Variants in KIAA1217 observed in about 807,000 individuals in gnomAD.
KIAA1217 encodes sickle tail protein homolog.
In KIAA1217, 88 loss-of-function variants were observed where a neutral mutation model predicts 163.9. That is an observed-to-expected ratio of 0.54 (90% CI 0.45 to 0.64). The LOEUF is 0.64. Ranked by LOEUF, KIAA1217 falls within the 30% of genes least tolerant of loss-of-function variation. The probability of loss-of-function intolerance (pLI) is 0.00; values close to 1 mark genes in which losing one functional copy is unlikely to be tolerated. For missense variants in KIAA1217, 2,372 were observed against 2,475.0 expected (o/e 0.96, Z 0.88); for synonymous variants, 903 against 923.1 (o/e 0.98, Z 0.39).
chr10:24,077,354 A>G (rs763469398), intron 2 of KIAA1217, among the ~76,000 whole-genome samples: 3 of 151,972 alleles, frequency 2.0e-5, no homozygotes, highest in South Asian at 2.1e-4. Context: ...TCCACCCTCA[A>G]ACAGGCCCCA....
intron 1 of KIAA1217, among the ~76,000 whole-genome samples, chr10:23,753,022 T>C (rs1056906089): frequency 6.6e-6 from 1 of 152,198 alleles, no homozygotes; most frequent in South Asian, 2.1e-4. Context: ...TTTGAGATCA[T>C]GGGTTTTTTG....
At chr10:23,916,385 C>G (rs139355711) in intron 1 of KIAA1217, among the ~76,000 whole-genome samples, 1 of 152,192 alleles carries the variant, frequency 6.6e-6, no homozygotes, top group Non-Finnish European at 1.5e-5. Context: ...CCTTCACAGC[C>G]CGGCTCAGTT....
At chr10:24,190,482 C>T (rs375700695) in intron 2 of KIAA1217, among the ~76,000 whole-genome samples, 1 of 152,120 alleles carries the variant, frequency 6.6e-6, no homozygotes, top group Admixed American at 6.5e-5. Context: ...CAGAGCTCAC[C>T]GTATGGTAGA....
intron 2 of KIAA1217, among the ~76,000 whole-genome samples, chr10:24,280,224 A>T (rs1315738837): frequency 6.6e-6 from 1 of 152,182 alleles, no homozygotes; most frequent in Admixed American, 6.6e-5. Context: ...CATGCTAATG[A>T]ATTCTAAATT....
intron 2 of KIAA1217, among the ~76,000 whole-genome samples, chr10:24,023,236 CAAGTA>C (rs1395751429): frequency 6.6e-6 from 1 of 151,514 alleles, no homozygotes; most frequent in Non-Finnish European, 1.5e-5. Flanking sequence ...CTTTCAATAC[CAAGTA>C]TAGTCAAACA....
At chr10:24,118,636 T>G (rs1206593851) in intron 2 of KIAA1217, among the ~76,000 whole-genome samples, 1 of 151,980 alleles carries the variant, frequency 6.6e-6, no homozygotes, top group East Asian at 1.9e-4. Flanking sequence ...GCGGAGACAG[T>G]TACACTCTGA....
intron 2 of KIAA1217, among the ~76,000 whole-genome samples, chr10:24,056,393 C>T (rs534161988): frequency 1.4e-4 from 22 of 152,090 alleles, no homozygotes; most frequent in African/African-American, 5.3e-4. Context: ...AAAGCATACC[C>T]GCTTTGCAGT....
chr10:24,545,259 G>T, intron 20 of KIAA1217, 156 bp downstream of exon 20: 1 of 1,424,024 alleles, frequency 7.0e-7, no homozygotes, highest in Non-Finnish European at 9.2e-7. Flanking sequence ...ATAAACCTTT[G>T]TTACACTTTT....
chr10:24,528,737 T>C (rs2072631710), intron 14 of KIAA1217, among the ~76,000 whole-genome samples: 2 of 152,080 alleles, frequency 1.3e-5, no homozygotes, highest in Admixed American at 1.3e-4. Context: ...GCGTTTTCTA[T>C]GCATTTGTGA....
intron 12 of KIAA1217, among the ~76,000 whole-genome samples, 197 bp from the exon 13 acceptor site, chr10:24,524,126 C>A (rs1010200800): frequency 6.6e-6 from 1 of 152,144 alleles, no homozygotes; most frequent in South Asian, 2.1e-4. Context: ...ACCCACCCCC[C>A]AAACAATGAT....
At chr10:24,436,081 G>A (rs1001702309) in intron 4 of KIAA1217, among the ~76,000 whole-genome samples, 3 of 151,894 alleles carry the variant, frequency 2.0e-5, no homozygotes, top group Non-Finnish European at 2.9e-5. Context: ...GGTTTGTCTC[G>A]AACTCCTGAC....
At chr10:24,432,357 A>G (rs1264746908) in intron 3 of KIAA1217, among the ~76,000 whole-genome samples, 2 of 151,814 alleles carry the variant, frequency 1.3e-5, no homozygotes, top group Non-Finnish European at 2.9e-5. Context: ...ACCTTAAGTG[A>G]TTCGCCTGCC....
intron 2 of KIAA1217, among the ~76,000 whole-genome samples, chr10:24,078,816 T>A (rs1007977144): frequency 3.9e-5 from 6 of 152,142 alleles, no homozygotes; most frequent in Non-Finnish European, 8.8e-5. Context: ...CCAGGCCTTC[T>A]GTGGCCCGTC....
At chr10:24,206,041 C>T (rs1821386418), upstream of KIAA1217, among the ~76,000 whole-genome samples, 1 of 152,178 alleles carries the variant, frequency 6.6e-6, no homozygotes, top group Admixed American at 6.5e-5. Flanking sequence ...TTTTAAATGA[C>T]ATTTGTTTTA....
chr10:23,982,529 TTCTCTCTCTCTCTCTC>T (rs59075123), intron 1 of KIAA1217, among the ~76,000 whole-genome samples: 47 of 73,626 alleles, frequency 6.4e-4, no homozygotes, highest in Admixed American at 3.5e-3. Flanking sequence ...TGTTTTTTGT[TTCTCTCTCTCTCTCTC>T]TCTCTCTCTC....
At chr10:24,284,865 T>A (rs944572083) in intron 2 of KIAA1217, among the ~76,000 whole-genome samples, 4 of 152,220 alleles carry the variant, frequency 2.6e-5, no homozygotes. Flanking sequence ...CAACAGTATA[T>A]GAGTGTTCCC....
rs530512620 is a variant in KIAA1217, at chr10:24,021,782, C to G, written c.-171+14408C>G. On this transcript the variant is annotated intron_variant, in intron 2 of 18. Coordinates refer to the KIAA1217 transcript ENST00000376462. ...ATAGACAGTGGAACAGAATGAACAG[C>G]CCAGAAATTGGCCGATACAAATATA... Among the ~76,000 whole-genome samples, 4 of 151,742 alleles carry G rather than the reference C, an allele frequency of 2.6e-5. No homozygotes were observed. In the East Asian group the frequency reaches 7.8e-4, roughly 30 times the overall value.
intron 1 of KIAA1217, among the ~76,000 whole-genome samples, chr10:23,817,718 T>C (rs111348429): frequency 6.6e-6 from 1 of 151,826 alleles, no homozygotes; most frequent in African/African-American, 2.4e-5. Flanking sequence ...TTGGTTACGG[T>C]GTTACAGAAA....
intron 2 of KIAA1217, among the ~76,000 whole-genome samples, chr10:24,261,929 T>A (rs1455082344): frequency 6.6e-6 from 1 of 152,200 alleles, no homozygotes; most frequent in East Asian, 1.9e-4. Flanking sequence ...GAATCAGTAT[T>A]TTACATACAA....
Sources: allele counts gnomAD v4.1 joint callset (sites outside exome capture counted in the v4.1 genomes callset), GRCh38; gene constraint gnomAD v4.1.1; transcripts MANE v1.5; gene names NCBI Gene and HGNC (gene_info 2026-07-23, HGNC 2026-07-21).